CCAR1: variants seen among roughly 807,000 people sequenced by gnomAD.
The protein encoded by CCAR1 is cell division cycle and apoptosis regulator 1, also known as cell division cycle and apoptosis regulator protein 1.
Under a neutral mutation model 163.8 loss-of-function variants are expected in CCAR1, and 78 were observed. The ratio of observed to expected loss-of-function variants is 0.48; its 90% CI spans 0.40 to 0.57. The LOEUF (loss-of-function observed/expected upper bound fraction) is 0.57, where lower values mean the gene tolerates loss of function less well. CCAR1 is among the 20% of genes least tolerant of loss of function. The pLI is 0.00. For synonymous variants in CCAR1, 443 were observed against 460.7 expected (o/e 0.96, Z 0.49); for missense variants, 1,019 against 1,365.2 (o/e 0.75, Z 4.00).
intron 18 of CCAR1, 40 bp downstream of exon 18, chr10:68,771,485 C>T (rs1301856688): frequency 1.3e-6 from 2 of 1,502,686 alleles, no homozygotes; most frequent in Admixed American, 2.2e-5. Flanking sequence ...TTCAGTTACT[C>T]TTCTAGGTTA....
At chr10:68,776,466 T>A (rs1274912384) in intron 19 of CCAR1, among the ~76,000 whole-genome samples, 1 of 152,088 alleles carries the variant, frequency 6.6e-6, no homozygotes, top group Admixed American at 6.6e-5. Context: ...CTTGGGAGGC[T>A]GAGGCAGGAG....
intron 17 of CCAR1, among the ~76,000 whole-genome samples, chr10:68,770,806 G>A (rs572255257): frequency 3.3e-5 from 5 of 152,230 alleles, no homozygotes; most frequent in South Asian, 2.1e-4. Context: ...GGCTAGGCGC[G>A]GTGGCTTACG....
At chr10:68,775,917 G>A (rs375384836) in intron 19 of CCAR1, among the ~76,000 whole-genome samples, 4 of 151,792 alleles carry the variant, frequency 2.6e-5, no homozygotes, top group African/African-American at 7.3e-5. Flanking sequence ...GACTGGTCTC[G>A]AACTCCTGAC....
chr10:68,745,149 G>A (rs1353602757), intron 6 of CCAR1, among the ~76,000 whole-genome samples: 8 of 152,012 alleles, frequency 5.3e-5, no homozygotes. Flanking sequence ...GGGATTACAG[G>A]CGCCTGCCAC....
chr10:68,760,019 A>G lies in CCAR1; in HGVS notation c.1921-988A>G, dbSNP rs564195793. Among the ~76,000 whole-genome samples, 6 of 151,666 alleles carry G rather than the reference A, an allele frequency of 4.0e-5. No homozygotes were observed. In the South Asian group the frequency reaches 1.0e-3, roughly 26 times the overall value. Reference sequence around the variant, plus strand: ...CTGGCTAATTTTTTTTTCTAAAGAGATGGGGTTTTGCTATGTTCCCCATGC... The same window carrying G: ...CTGGCTAATTTTTTTTTCTAAAGAGGTGGGGTTTTGCTATGTTCCCCATGC... On this transcript the variant is annotated intron_variant, in intron 15 of 24. Coordinates refer to ENST00000265872, the MANE Select transcript of CCAR1 (RefSeq NM_018237.4).
chr10:68,769,631 T>A (rs1199084854), intron 17 of CCAR1, among the ~76,000 whole-genome samples: 2 of 148,200 alleles, frequency 1.3e-5, no homozygotes, highest in Admixed American at 1.4e-4. Flanking sequence ...AAAGAAAAAA[T>A]AAATAGGTAC....
chr10:68,754,188 G>C lies in CCAR1; in HGVS notation c.1344+111G>C, dbSNP rs1782316. 7.5e-3 allele frequency: 5,087 copies of C among 673,916 alleles called. 194 individuals are homozygous for C. The African/African-American group carries it at 0.083, about 11-fold the overall frequency. The allele number at this position is 673,916 out of a possible 1,614,324, so 41.7% of individuals were successfully genotyped here. A position where few individuals can be genotyped will look rare whatever the true frequency, so the allele number is the denominator to read the frequency against. ...GTTTGTTAGGTAGACCCGAATACCT[G>C]TTTTCTTCTTAACTGCTTGATCCTA... On this transcript the variant is annotated intron_variant, in intron 11 of 24. Transcript: ENST00000265872.
At chr10:68,722,036 T>A (rs74143205) in intron 1 of CCAR1, among the ~76,000 whole-genome samples, 11,413 of 152,148 alleles carry the variant, frequency 0.075, 1,213 homozygotes, top group African/African-American at 0.24. Context: ...CTTGTCCCAG[T>A]ATCCGTTATT....
rs181404072 is a variant in CCAR1 at position 68,721,299 on chromosome 10, C to A, written c.-51+17C>A. The A allele has an allele frequency of 1.7e-3, 369 of 212,888 alleles. 2 individuals are homozygous for A. Among genetic ancestry groups the A allele is most frequent in the African/African-American group, 7.9e-3 (329 of 41,782 alleles). 13.2% of individuals were successfully genotyped at this position (212,888 alleles called of 1,614,324 possible). ...CCGACTCAGGTGAAGGTCTGGTCCC[C>A]GTAGTTGGAGCAGTGGGCGGCCAAG... On this transcript the variant is annotated intron_variant, in intron 1 of 24. Coordinates refer to ENST00000265872, the MANE Select transcript of CCAR1 (RefSeq NM_018237.4).
chr10:68,747,536 C>T lies in CCAR1; in HGVS notation c.796C>T (p.Gln266Ter). Residue 266 changes from glutamine to a stop codon, truncating the protein, a stop_gained, in exon 8 of 25, where the codon CAG (glutamine) becomes TAG (stop). Coordinates refer to ENST00000265872, the MANE Select transcript of CCAR1 (RefSeq NM_018237.4). LOFTEE classifies it high-confidence loss of function. Reference protein sequence around the residue: ...SITPLLQTQPQPLLQQPQQKA... With the variant: ...SITPLLQTQP ...TACACCACTATTGCAGACTCAACCA[C>T]AGCCCTTATTACAGCAGCCTCAGCA... The T allele has an allele frequency of 6.2e-7, 1 of 1,614,032 alleles. No homozygotes were observed. The highest frequency in any genetic ancestry group is 8.5e-7 in the Non-Finnish European group (1 of 1,179,992).
intron 6 of CCAR1, among the ~76,000 whole-genome samples, chr10:68,745,445 GC>G (rs2133341926): frequency 6.6e-6 from 1 of 150,770 alleles, no homozygotes; most frequent in African/African-American, 2.4e-5. Context: ...GGGACTCTAG[GC>G]CCATGCTACC....
chr10:68,779,501 C>T (rs1352661625), intron 19 of CCAR1, among the ~76,000 whole-genome samples: 3 of 152,010 alleles, frequency 2.0e-5, no homozygotes, highest in African/African-American at 4.8e-5. Context: ...TCAGGTGATC[C>T]GCCCACCTCA....
At position 68,747,501 on chromosome 10, in the gene CCAR1, C is replaced by T. The variant is rs2056272691; in HGVS notation, c.761C>T (p.Ala254Val). 6.2e-7 allele frequency: 1 copy of T among 1,614,182 alleles called. No homozygotes were observed. The highest frequency in any genetic ancestry group is 8.5e-7 in the Non-Finnish European group (1 of 1,180,004). The change falls in exon 8 of 25, where the codon GCA becomes GTA. Residue 254 changes from alanine (A) to valine (V), a missense_variant. By Grantham distance (64) the Ala-to-Val change is moderately conservative. Coordinates refer to ENST00000265872, the MANE Select transcript of CCAR1 (RefSeq NM_018237.4). ...TCACTGCTGCAGGCACAGATTTCAG[C>T]AGCTTCTATTACACCACTATTGCAG... ...PQSLLQAQIS[A>V]ASITPLLQTQ... is the part of the protein sequence containing the mutation.
intron 23 of CCAR1, among the ~76,000 whole-genome samples, chr10:68,788,760 A>G (rs1260403206): frequency 6.6e-6 from 1 of 152,184 alleles, no homozygotes; most frequent in Non-Finnish European, 1.5e-5. Flanking sequence ...TTGGGATTAC[A>G]GGCAGGAGCC....
intron 2 of CCAR1, among the ~76,000 whole-genome samples, chr10:68,724,893 C>T (rs1425405575): frequency 6.6e-6 from 1 of 152,112 alleles, no homozygotes; most frequent in Admixed American, 6.6e-5. Context: ...AATCCCAGCA[C>T]TTTGGGAGGC....
At chr10:68,780,442 G>A (rs2056722167) in intron 19 of CCAR1, among the ~76,000 whole-genome samples, 1 of 152,130 alleles carries the variant, frequency 6.6e-6, no homozygotes, top group South Asian at 2.1e-4. Context: ...CCATCTTCCT[G>A]CTTCCCTCCC....
At chr10:68,783,320 G>C (rs1332513470) in intron 19 of CCAR1, among the ~76,000 whole-genome samples, 1 of 151,906 alleles carries the variant, frequency 6.6e-6, no homozygotes, top group Non-Finnish European at 1.5e-5. Flanking sequence ...CTCCTGAGTA[G>C]CCACCACCAC....
chr10:68,745,208 G>A (rs1046651082), intron 6 of CCAR1, among the ~76,000 whole-genome samples: 4 of 151,986 alleles, frequency 2.6e-5, no homozygotes, highest in South Asian at 2.1e-4. Flanking sequence ...GGGTTTCACC[G>A]TGTTGGTCAG....
Position 68,785,691 on chromosome 10 carries a change from A to G in CCAR1, c.2651-445A>G, listed in dbSNP as rs77940825. Among the ~76,000 whole-genome samples, 420 of 152,290 alleles carry G rather than the reference A, an allele frequency of 2.8e-3. 3 individuals are homozygous for G. Among genetic ancestry groups the G allele is most frequent in the African/African-American group, 9.4e-3 (392 of 41,550 alleles). On this transcript the variant is annotated intron_variant, in intron 19 of 24. Coordinates refer to ENST00000265872, the MANE Select transcript of CCAR1 (RefSeq NM_018237.4). Reference sequence around the variant, plus strand: ...TTCAGAGTTGTACAACCATCACCACAATTAACTATAGAACATTTTTATCAC... The same window carrying G: ...TTCAGAGTTGTACAACCATCACCACGATTAACTATAGAACATTTTTATCAC...
Sources: allele counts gnomAD v4.1 joint callset (sites outside exome capture counted in the v4.1 genomes callset), GRCh38; gene constraint gnomAD v4.1.1; transcripts MANE v1.5; gene names NCBI Gene and HGNC (gene_info 2026-07-23, HGNC 2026-07-21).